NRG3: variants seen among roughly 807,000 people sequenced by gnomAD.
The protein encoded by NRG3 is pro-neuregulin-3, membrane-bound isoform.
Under a neutral mutation model 66.9 loss-of-function variants are expected in NRG3, and 31 were observed. The observed-to-expected ratio is 0.46, with a 90% CI of 0.35 to 0.63. The LOEUF is 0.63. NRG3 is among the 20% of genes least tolerant of loss of function. The probability of loss-of-function intolerance (pLI) is 0.00; values close to 1 mark genes in which losing one functional copy is unlikely to be tolerated. For synonymous variants in NRG3, 393 were observed against 359.4 expected, an observed-to-expected ratio of 1.09 and a Z score of -1.06; for missense variants, 910 against 878.9, an observed-to-expected ratio of 1.04 and a Z score of -0.45.
At chr10:82,244,832 C>G (rs2077164313) in intron 1 of NRG3, among the ~76,000 whole-genome samples, 1 of 152,038 alleles carries the variant, frequency 6.6e-6, no homozygotes, top group African/African-American at 2.4e-5. Flanking sequence ...CTCCTGGGTT[C>G]AAGCAATTCT....
chr10:81,962,543 A>T (rs2133288312), intron 1 of NRG3, among the ~76,000 whole-genome samples: 1 of 152,332 alleles, frequency 6.6e-6, no homozygotes, highest in East Asian at 1.9e-4. Context: ...CGTCTCCCTA[A>T]ACATAGTAGC....
intron 1 of NRG3, among the ~76,000 whole-genome samples, chr10:82,323,087 A>G (rs1190671976): frequency 6.6e-6 from 1 of 152,198 alleles, no homozygotes; most frequent in Non-Finnish European, 1.5e-5. Flanking sequence ...TACTGTGGGA[A>G]GTATTTCCTG....
intron 2 of NRG3, among the ~76,000 whole-genome samples, chr10:82,421,705 A>G (rs2089091103): frequency 6.6e-6 from 1 of 152,092 alleles, no homozygotes; most frequent in African/African-American, 2.4e-5. Flanking sequence ...AACTGGGCTA[A>G]GCCCCAGTTC....
chr10:82,095,770 T>G (rs1016846810), intron 1 of NRG3, among the ~76,000 whole-genome samples: 2 of 152,172 alleles, frequency 1.3e-5, no homozygotes, highest in African/African-American at 4.8e-5. Context: ...GGGAATGAGC[T>G]AAATCTCAAT....
chr10:82,144,330 C>G (rs943709779), intron 1 of NRG3, among the ~76,000 whole-genome samples: 2 of 152,130 alleles, frequency 1.3e-5, no homozygotes, highest in Non-Finnish European at 2.9e-5. Flanking sequence ...TGAAGCAGCT[C>G]TAATAGGAAT....
At chr10:82,872,975 T>G (rs951014346) in intron 4 of NRG3, among the ~76,000 whole-genome samples, 1 of 152,108 alleles carries the variant, frequency 6.6e-6, no homozygotes, top group African/African-American at 2.4e-5. Context: ...GGATAACAAC[T>G]TCAGTAAAAA....
intron 1 of NRG3, among the ~76,000 whole-genome samples, chr10:82,120,069 A>C (rs2067986374): frequency 6.6e-6 from 1 of 152,164 alleles, no homozygotes; most frequent in Non-Finnish European, 1.5e-5. Flanking sequence ...TATTTTAAAG[A>C]AAGATGGATT....
At chr10:81,949,016 T>C (rs902017396) in intron 1 of NRG3, among the ~76,000 whole-genome samples, 1 of 152,148 alleles carries the variant, frequency 6.6e-6, no homozygotes, top group Admixed American at 6.6e-5. Context: ...ACAACTTTAC[T>C]TTTCTGGCAA....
intron 1 of NRG3, among the ~76,000 whole-genome samples, chr10:82,109,186 G>A (rs185678389): frequency 2.0e-5 from 3 of 152,282 alleles, no homozygotes; most frequent in African/African-American, 4.8e-5. Flanking sequence ...CTCCACAACA[G>A]CCAAGTTTCC....
At chr10:81,920,679 A>G (rs1252261119) in intron 1 of NRG3, among the ~76,000 whole-genome samples, 1 of 152,218 alleles carries the variant, frequency 6.6e-6, no homozygotes, top group Admixed American at 6.5e-5. Context: ...TTTTAGATAT[A>G]CTTCCAAATT....
chr10:81,977,549 T>C (rs992375670), intron 1 of NRG3, among the ~76,000 whole-genome samples: 3 of 152,242 alleles, frequency 2.0e-5, no homozygotes, highest in Non-Finnish European at 2.9e-5. Context: ...CCTTCTGTTG[T>C]ATTGAGCTAA....
intron 1 of NRG3, among the ~76,000 whole-genome samples, chr10:82,121,693 G>C (rs552864069): frequency 2.2e-4 from 34 of 152,222 alleles, no homozygotes; most frequent in Non-Finnish European, 3.2e-4. Flanking sequence ...GCCCAGGCTG[G>C]AGTGCAGTGA....
At chr10:82,824,128 C>T (rs1166956689) in intron 3 of NRG3, among the ~76,000 whole-genome samples, 1 of 152,150 alleles carries the variant, frequency 6.6e-6, no homozygotes, top group African/African-American at 2.4e-5. Flanking sequence ...TCTTATTATA[C>T]TTACGTAGCC....
intron 3 of NRG3, among the ~76,000 whole-genome samples, chr10:82,826,760 G>T (rs924170977): frequency 5.9e-5 from 9 of 152,078 alleles, no homozygotes; most frequent in Admixed American, 5.9e-4. Context: ...CCTACTTGAG[G>T]TGGGAGGGTA....
intron 2 of NRG3, among the ~76,000 whole-genome samples, chr10:82,722,978 T>C (rs995350502): frequency 1.3e-5 from 2 of 152,094 alleles, no homozygotes; most frequent in Non-Finnish European, 2.9e-5. Context: ...TATATATATA[T>C]TTAAGAGAAA....
At chr10:82,975,806 C>T (rs1852195252) in intron 7 of NRG3, among the ~76,000 whole-genome samples, 1 of 152,170 alleles carries the variant, frequency 6.6e-6, no homozygotes, top group Admixed American at 6.6e-5. Context: ...CTTTTTAAGA[C>T]AGGTCACTAG....
intron 1 of NRG3, among the ~76,000 whole-genome samples, chr10:82,024,962 CA>C (rs1461725030): frequency 6.6e-6 from 1 of 152,008 alleles, no homozygotes; most frequent in African/African-American, 2.4e-5. Flanking sequence ...GAGGCTGGAG[CA>C]CAGCATCCTT....
intron 3 of NRG3, among the ~76,000 whole-genome samples, chr10:82,740,780 C>T (rs945896625): frequency 4.6e-4 from 67 of 144,682 alleles, no homozygotes; most frequent in Admixed American, 4.5e-3. Context: ...GCCAAGATCA[C>T]GCCACTGTAC....
At chr10:82,541,087 T>C (rs2043507694) in intron 2 of NRG3, among the ~76,000 whole-genome samples, 1 of 152,158 alleles carries the variant, frequency 6.6e-6, no homozygotes, top group South Asian at 2.1e-4. Context: ...GTCACCTTGA[T>C]CTCAGACTTC....
Sources: allele counts gnomAD v4.1 joint callset (sites outside exome capture counted in the v4.1 genomes callset), GRCh38; gene constraint gnomAD v4.1.1; transcripts MANE v1.5; gene names NCBI Gene and HGNC (gene_info 2026-07-23, HGNC 2026-07-21).